SRRM4: variants seen among roughly 807,000 people sequenced by gnomAD.
The protein encoded by SRRM4 is serine/arginine repetitive matrix 4.
A neutral mutation model predicts 68.9 loss-of-function variants in SRRM4; 33 were observed. The observed-to-expected ratio is 0.48, with a 90% confidence interval of 0.36 to 0.64. The LOEUF is 0.64. SRRM4 is among the 30% of genes least tolerant of loss of function. The pLI is 0.00. For missense variants in SRRM4, 817 were observed against 827.1 expected (o/e 0.99, Z 0.15); for synonymous variants, 318 against 318.8 (o/e 1.00, Z 0.03).
rs1954517080 is a variant in SRRM4, at chr12:119,161,949, ATCT to A, written c.*5155_*5157del. ...TTCTGGCCAAGGAAAGCTATGCCTCATCTTCTAACGAGCCAAGCCAAAAAGACT... is the reference window on the plus strand; with the variant it reads ...TTCTGGCCAAGGAAAGCTATGCCTCATCTAACGAGCCAAGCCAAAAAGACT... On this transcript the variant is annotated 3_prime_UTR_variant, in exon 13 of 13. Coordinates refer to ENST00000267260, the MANE Select transcript of SRRM4 (RefSeq NM_194286.4). 6.6e-6 allele frequency: 1 copy of A among 151,854 alleles called. No individual in the cohort carries two copies. Among genetic ancestry groups the A allele is most frequent in the Non-Finnish European group, 1.5e-5 (1 of 67,964 alleles). 9.4% of individuals were successfully genotyped at this position (151,854 alleles called of 1,614,324 possible).
intron 1 of SRRM4, among the ~76,000 whole-genome samples, chr12:119,100,281 A>G (rs982520554): frequency 6.7e-6 from 1 of 149,128 alleles, no homozygotes; most frequent in African/African-American, 2.5e-5. Context: ...GCTTGAGCCC[A>G]GGAGTTCAAG....
At chr12:119,003,254 C>T (rs1809537409) in intron 1 of SRRM4, among the ~76,000 whole-genome samples, 1 of 151,738 alleles carries the variant, frequency 6.6e-6, no homozygotes, top group Admixed American at 6.6e-5. Flanking sequence ...GGACTGTGCT[C>T]TCTCTACCCC....
chr12:119,025,616 G>T (rs1012540381), intron 1 of SRRM4, among the ~76,000 whole-genome samples: 14 of 150,990 alleles, frequency 9.3e-5, no homozygotes, highest in African/African-American at 3.5e-4. Context: ...AGCTAATTTT[G>T]TATTTTTAGT....
At chr12:119,033,909 G>T (rs1013849964) in intron 1 of SRRM4, among the ~76,000 whole-genome samples, 1 of 152,154 alleles carries the variant, frequency 6.6e-6, no homozygotes, top group Non-Finnish European at 1.5e-5. Context: ...TCTTGTTCTA[G>T]TAACTATATA....
intron 1 of SRRM4, among the ~76,000 whole-genome samples, chr12:119,100,292 A>G (rs915824062): frequency 6.8e-6 from 1 of 146,898 alleles, no homozygotes; most frequent in Non-Finnish European, 1.5e-5. Flanking sequence ...GGAGTTCAAG[A>G]CCAGTTTGAA....
chr12:119,073,312 C>CTTTTTTTTTTTTTTT (rs71451813), intron 1 of SRRM4, among the ~76,000 whole-genome samples: 1 of 103,146 alleles, frequency 9.7e-6, no homozygotes, highest in African/African-American at 3.4e-5. Context: ...TCTCTCTCCT[C>CTTTTTTTTTTTTTTT]TTTTTTTTTT....
At chr12:119,066,894 C>T (rs963172156) in intron 1 of SRRM4, among the ~76,000 whole-genome samples, 24 of 152,320 alleles carry the variant, frequency 1.6e-4, no homozygotes, top group Middle Eastern at 6.8e-3. Context: ...TTCTTATGTG[C>T]ACACACACAT....
chr12:118,998,906 C>T (rs926157658), intron 1 of SRRM4, among the ~76,000 whole-genome samples: 5 of 152,176 alleles, frequency 3.3e-5, no homozygotes, highest in Non-Finnish European at 7.3e-5. Context: ...GAACTGTGAA[C>T]AGGCACTGCT....
At chr12:119,082,185 C>T (rs972069468) in intron 1 of SRRM4, among the ~76,000 whole-genome samples, 1 of 152,118 alleles carries the variant, frequency 6.6e-6, no homozygotes, top group Non-Finnish European at 1.5e-5. Context: ...CAGCAGGGGC[C>T]TCTAAAGGGC....
intron 6 of SRRM4, among the ~76,000 whole-genome samples, chr12:119,123,939 T>G (rs955721668): frequency 3.5e-4 from 53 of 152,178 alleles, no homozygotes; most frequent in Non-Finnish European, 1.9e-4. Context: ...ACACAGGCAC[T>G]GGGAAAAGGG....
rs550605575 is a variant in SRRM4, at chr12:119,017,007, TG to T, written c.131+34998del. Among the ~76,000 whole-genome samples the T allele has an allele frequency of 1.8e-4, 27 of 152,366 alleles. No homozygotes were observed. In the East Asian group the frequency reaches 4.0e-3, roughly 23 times the overall value. On this transcript the variant is annotated intron_variant, in intron 1 of 12. Coordinates refer to ENST00000267260, the MANE Select transcript of SRRM4 (RefSeq NM_194286.4). ...AATGAGATGATATTTGTAAATACTATGGGGTCTGGAATATGAAAAGTACTAT... is the reference window on the plus strand; with the variant it reads ...AATGAGATGATATTTGTAAATACTATGGGTCTGGAATATGAAAAGTACTAT...
intron 1 of SRRM4, among the ~76,000 whole-genome samples, chr12:119,077,635 G>C (rs1953924355): frequency 6.6e-6 from 1 of 152,032 alleles, no homozygotes; most frequent in African/African-American, 2.4e-5. Flanking sequence ...TCTGACTTCT[G>C]GTTCCGCATC....
At chr12:119,089,075 T>C (rs983958475) in intron 1 of SRRM4, among the ~76,000 whole-genome samples, 11 of 152,156 alleles carry the variant, frequency 7.2e-5, no homozygotes, top group African/African-American at 2.7e-4. Flanking sequence ...CGGTGTCTCC[T>C]GGTTGTTCAG....
chr12:118,981,857 G>A lies in SRRM4; in HGVS notation c.-26G>A, dbSNP rs1953249230. 6.2e-7 allele frequency: 1 copy of A among 1,608,868 alleles called. No homozygotes were observed. The highest frequency in any genetic ancestry group is 8.5e-7 in the Non-Finnish European group (1 of 1,177,416). ...TTTCAGCACTTTGGACAGCGCCCCG[G>A]ACGCCCCGGCCCCTTTGGGTTGGCG... On this transcript the variant is annotated 5_prime_UTR_variant, in exon 1 of 13. Coordinates refer to ENST00000267260, the MANE Select transcript of SRRM4 (RefSeq NM_194286.4).
chr12:118,990,157 T>A (rs1357814125), intron 1 of SRRM4, among the ~76,000 whole-genome samples: 1 of 152,134 alleles, frequency 6.6e-6, no homozygotes, highest in Non-Finnish European at 1.5e-5. Flanking sequence ...AGAATAGAAA[T>A]GATCTGCTCA....
chr12:119,019,456 C>T (rs1525946), intron 1 of SRRM4, among the ~76,000 whole-genome samples: 2 of 151,846 alleles, frequency 1.3e-5, no homozygotes, highest in South Asian at 2.1e-4. Context: ...GAATTCCCCC[C>T]CTCAAGCATT....
intron 2 of SRRM4, among the ~76,000 whole-genome samples, chr12:119,103,458 A>G (rs939724850): frequency 6.6e-6 from 1 of 152,102 alleles, no homozygotes; most frequent in Admixed American, 6.6e-5. Context: ...ATAAATTCTT[A>G]TAAGTGGGAG....
At chr12:119,082,013 T>C (rs1359347753) in intron 1 of SRRM4, among the ~76,000 whole-genome samples, 3 of 152,242 alleles carry the variant, frequency 2.0e-5, no homozygotes, top group Non-Finnish European at 4.4e-5. Context: ...GAGCTTACAG[T>C]TGATCATGAC....
At chr12:119,142,769 T>C (rs1403777718) in intron 8 of SRRM4, among the ~76,000 whole-genome samples, 3 of 152,146 alleles carry the variant, frequency 2.0e-5, no homozygotes, top group African/African-American at 7.2e-5. Context: ...ATCCCATCTT[T>C]GTACCAAGCC....
Sources: allele counts gnomAD v4.1 joint callset (sites outside exome capture counted in the v4.1 genomes callset), GRCh38; gene constraint gnomAD v4.1.1; transcripts MANE v1.5; gene names NCBI Gene and HGNC (gene_info 2026-07-23, HGNC 2026-07-21).